Variants in RPS6KC1 observed in about 807,000 individuals in gnomAD.
The protein encoded by RPS6KC1 is ribosomal protein S6 kinase C1.
In RPS6KC1, 54 loss-of-function variants were observed where a neutral mutation model predicts 103.8. That is an observed-to-expected ratio of 0.52 (90% CI 0.42 to 0.65). RPS6KC1 has a LOEUF of 0.65. RPS6KC1 is among the 30% of genes least tolerant of loss of function. RPS6KC1 has a pLI of 0.00. For synonymous variants in RPS6KC1, 439 were observed against 438.7 expected (o/e 1.00, Z -0.01); for missense variants, 1,151 against 1,253.8 (o/e 0.92, Z 1.24).
chr1:213,514,065 A>C, the RPS6KC1 span, among the ~76,000 whole-genome samples: 2 of 152,154 alleles, frequency 1.3e-5, no homozygotes, highest in African/African-American at 4.8e-5. Context: ...CTGTTCTCAG[A>C]ATGCCTTTGA....
chr1:213,115,037 A>G (rs1210115828), intron 4 of RPS6KC1, among the ~76,000 whole-genome samples: 1 of 152,128 alleles, frequency 6.6e-6, no homozygotes, highest in Non-Finnish European at 1.5e-5. Context: ...GTCTCTGCCC[A>G]GCTTTGGTAT....
At chr1:213,376,841 G>A in the RPS6KC1 span, among the ~76,000 whole-genome samples, 1 of 152,204 alleles carries the variant, frequency 6.6e-6, no homozygotes, top group Non-Finnish European at 1.5e-5. Flanking sequence ...TCAGGAATGA[G>A]GCTCTCTTCA....
the RPS6KC1 span, among the ~76,000 whole-genome samples, chr1:213,349,571 C>G: frequency 6.6e-6 from 1 of 152,176 alleles, no homozygotes; most frequent in East Asian, 1.9e-4. Flanking sequence ...TAAAGTTCAT[C>G]AGACACTTAG....
intron 12 of RPS6KC1, among the ~76,000 whole-genome samples, chr1:213,260,756 C>CAAAAAAA (rs35685015): frequency 8.2e-6 from 1 of 121,680 alleles, no homozygotes. Flanking sequence ...CTAAAAGCCT[C>CAAAAAAA]AAAAAAAAAA....
At chr1:213,343,391 G>GTATATA in the RPS6KC1 span, among the ~76,000 whole-genome samples, 16 of 65,864 alleles carry the variant, frequency 2.4e-4, no homozygotes, top group African/African-American at 3.0e-4. Context: ...AGTGTTGTGT[G>GTATATA]TATATATATA....
At chr1:213,400,606 C>A in the RPS6KC1 span, among the ~76,000 whole-genome samples, 1 of 152,096 alleles carries the variant, frequency 6.6e-6, no homozygotes, top group Non-Finnish European at 1.5e-5. Context: ...TACTAATTAG[C>A]AGCAGCTTTG....
chr1:213,517,859 A>G, the RPS6KC1 span, among the ~76,000 whole-genome samples: 3 of 152,120 alleles, frequency 2.0e-5, no homozygotes, highest in Non-Finnish European at 4.4e-5. Context: ...ATTGTGTGGG[A>G]GTCTAAGTCT....
the RPS6KC1 span, among the ~76,000 whole-genome samples, chr1:213,446,521 C>T: frequency 2.0e-5 from 3 of 152,160 alleles, no homozygotes; most frequent in Admixed American, 2.0e-4. Flanking sequence ...TTAAGGCTTT[C>T]AAGGATTAGA....
At chr1:213,841,015 C>G in the RPS6KC1 span, 13 of 152,204 alleles carry the variant, frequency 8.5e-5, no homozygotes, top group Admixed American at 2.0e-4. Context: ...GTCTTTTAGG[C>G]TGCCCCTCTC....
At chr1:213,543,267 C>G in the RPS6KC1 span, among the ~76,000 whole-genome samples, 1 of 152,158 alleles carries the variant, frequency 6.6e-6, no homozygotes, top group African/African-American at 2.4e-5. Context: ...GATGGTATCA[C>G]TGAGGCAGCA....
chr1:213,253,339 G>A (rs2094578208), intron 12 of RPS6KC1, among the ~76,000 whole-genome samples: 1 of 152,076 alleles, frequency 6.6e-6, no homozygotes, highest in African/African-American at 2.4e-5. Context: ...CCAGTCTGAC[G>A]GTGTGTCTTA....
the RPS6KC1 span, among the ~76,000 whole-genome samples, chr1:213,778,699 G>T: frequency 1.3e-5 from 2 of 152,084 alleles, no homozygotes; most frequent in African/African-American, 4.8e-5. Flanking sequence ...GAATCAGTGA[G>T]ATCCAAGAAG....
Position 213,129,685 on chromosome 1 carries a change from A to G in RPS6KC1, c.631A>G (p.Ser211Gly), listed in dbSNP as rs1397423876. 5.6e-6 allele frequency: 9 copies of G among 1,614,062 alleles called. No homozygotes were observed. Among genetic ancestry groups the G allele is most frequent in the Admixed American group, 1.7e-5 (1 of 60,002 alleles). Reference protein sequence around the residue: ...SSALGAVASDSEQSKTEEERE... With the variant: ...SSALGAVASDGEQSKTEEERE... Reference sequence around the variant, plus strand: ...AGCACTAGGGGCTGTTGCTTCTGACAGTGAACAGAGCAAAACAGAAGAAGA... The same window carrying G: ...AGCACTAGGGGCTGTTGCTTCTGACGGTGAACAGAGCAAAACAGAAGAAGA... Residue 211 changes from serine (S) to glycine (G), a missense_variant, in exon 6 of 15, where the codon AGT becomes GGT. Ser to Gly is a moderately conservative substitution (Grantham distance 56, BLOSUM62 0). Transcript: ENST00000366960.
chr1:213,394,030 A>T, the RPS6KC1 span, among the ~76,000 whole-genome samples: 1 of 152,142 alleles, frequency 6.6e-6, no homozygotes, highest in Admixed American at 6.5e-5. Context: ...GCCAAGGGAC[A>T]TGGAGCCGTG....
intron 6 of RPS6KC1, among the ~76,000 whole-genome samples, chr1:213,166,259 G>C (rs2090958303): frequency 6.6e-6 from 1 of 151,962 alleles, no homozygotes; most frequent in Non-Finnish European, 1.5e-5. Context: ...ATTTAAATTA[G>C]GGCTTGGAAG....
chr1:213,631,378 C>CAAAAAAAAAAA, the RPS6KC1 span, among the ~76,000 whole-genome samples: 1 of 137,066 alleles, frequency 7.3e-6, no homozygotes. Context: ...CTTTCTATGC[C>CAAAAAAAAAAA]AAAAAAAAAA....
the RPS6KC1 span, among the ~76,000 whole-genome samples, chr1:213,404,937 C>G: frequency 1.2e-4 from 18 of 152,328 alleles, no homozygotes; most frequent in South Asian, 3.5e-3. Context: ...TGCAGATCTC[C>G]TAAAACAATG....
the RPS6KC1 span, among the ~76,000 whole-genome samples, chr1:213,464,101 C>A: frequency 6.6e-6 from 1 of 152,128 alleles, no homozygotes; most frequent in Non-Finnish European, 1.5e-5. Context: ...CTAATATTTT[C>A]TTTAGGACTT....
chr1:213,838,990 A>G, the RPS6KC1 span, among the ~76,000 whole-genome samples: 1 of 152,210 alleles, frequency 6.6e-6, no homozygotes. Context: ...TGGTGTCTGT[A>G]AGATGAAAGC....
Sources: allele counts gnomAD v4.1 joint callset (sites outside exome capture counted in the v4.1 genomes callset), GRCh38; gene constraint gnomAD v4.1.1; transcripts MANE v1.5; gene names NCBI Gene and HGNC (gene_info 2026-07-23, HGNC 2026-07-21).